PRKAR1B: variants seen among roughly 807,000 people sequenced by gnomAD.
The protein encoded by PRKAR1B is cAMP-dependent protein kinase type I-beta regulatory subunit.
In PRKAR1B, 22 loss-of-function variants were observed where a neutral mutation model predicts 46.5. The observed-to-expected ratio is 0.47, with a 90% confidence interval of 0.34 to 0.68. The LOEUF is 0.68. Among genes scored for constraint, PRKAR1B ranks in the 30% least tolerant of loss-of-function variants. PRKAR1B has a pLI of 0.01. For synonymous variants in PRKAR1B, 259 were observed against 217.7 expected, an observed-to-expected ratio of 1.19 and a Z score of -1.67; for missense variants, 445 against 535.6, an observed-to-expected ratio of 0.83 and a Z score of 1.67.
chr7:549,726 C>G lies in PRKAR1B; in HGVS notation c.*704G>C, dbSNP rs541408134. The G allele has an allele frequency of 3.2e-4, 49 of 152,450 alleles. No individual in the cohort carries two copies. The highest frequency in any genetic ancestry group is 1.2e-3 in the African/African-American group (48 of 41,546). The allele number at this position is 152,450 out of a possible 1,614,324, so 9.4% of individuals were successfully genotyped here. On this transcript the variant is annotated 3_prime_UTR_variant, in exon 11 of 11. Transcript: ENST00000537384. ...AAAGGAACTTCGAGCCCGGCCCCCC[C>G]TACTGGGGTCTACCTGCGGCCGCGG...
At chr7:629,588 A>G (rs1783618217) in intron 4 of PRKAR1B, among the ~76,000 whole-genome samples, 1 of 92,816 alleles carries the variant, frequency 1.1e-5, no homozygotes, top group Non-Finnish European at 2.1e-5. Flanking sequence ...CCAGGGCTGG[A>G]AAACGCTGCA....
chr7:574,057 G>T (rs569246291), intron 9 of PRKAR1B, among the ~76,000 whole-genome samples: 4 of 152,354 alleles, frequency 2.6e-5, no homozygotes, highest in Admixed American at 2.6e-4. Context: ...AACACCGCGC[G>T]TGCGGCCTTG....
At position 555,165 on chromosome 7, in the gene PRKAR1B, T is replaced by G. The variant is rs140570826; in HGVS notation, c.892-3695A>C. 3.5e-3 allele frequency among the ~76,000 whole-genome samples: 536 copies of G among 152,302 alleles called. 3 individuals are homozygous for G. Among genetic ancestry groups the G allele is most frequent in the African/African-American group, 0.012 (494 of 41,580 alleles). Reference sequence around the variant, plus strand: ...GCCAGAGAGGGTCTCACGCTTGCCCTAAACCAGTTGCTGGGGAATATGACC... The same window carrying G: ...GCCAGAGAGGGTCTCACGCTTGCCCGAAACCAGTTGCTGGGGAATATGACC... On this transcript the variant is annotated intron_variant, in intron 9 of 10. Coordinates refer to ENST00000537384, the MANE Select transcript of PRKAR1B (RefSeq NM_001164760.2).
chr7:609,399 A>C (rs1782346669), intron 4 of PRKAR1B, among the ~76,000 whole-genome samples: 3 of 152,228 alleles, frequency 2.0e-5, no homozygotes, highest in Admixed American at 2.0e-4. Context: ...TGTACCCCCC[A>C]CCACCCAGCT....
intron 4 of PRKAR1B, among the ~76,000 whole-genome samples, chr7:668,782 C>T (rs1583390959): frequency 6.6e-6 from 1 of 152,156 alleles, no homozygotes; most frequent in East Asian, 1.9e-4. Context: ...AAAATAAGAG[C>T]TTTACTGAAC....
At chr7:693,604 G>C (rs1178114565) in intron 2 of PRKAR1B, among the ~76,000 whole-genome samples, 3 of 152,190 alleles carry the variant, frequency 2.0e-5, no homozygotes, top group African/African-American at 7.2e-5. Flanking sequence ...CTGTGGCTGA[G>C]GGACTTCCCT....
intron 2 of PRKAR1B, among the ~76,000 whole-genome samples, chr7:701,797 A>G (rs1185650177): frequency 6.6e-6 from 1 of 152,244 alleles, no homozygotes; most frequent in Non-Finnish European, 1.5e-5. Flanking sequence ...AAGGCAAACC[A>G]GAGAGATTCT....
chr7:592,620 G>A (rs1264861879), intron 7 of PRKAR1B, among the ~76,000 whole-genome samples: 3 of 152,244 alleles, frequency 2.0e-5, no homozygotes, highest in Admixed American at 6.5e-5. Context: ...GGGGGTCTTG[G>A]GCTCTGGATA....
At chr7:654,987 C>T (rs997723696) in intron 4 of PRKAR1B, among the ~76,000 whole-genome samples, 2 of 152,172 alleles carry the variant, frequency 1.3e-5, no homozygotes, top group African/African-American at 4.8e-5. Flanking sequence ...TAGACAGGGC[C>T]CCTTTCTTTA....
At chr7:611,769 A>ATGGATGGATGG (rs1782506554) in intron 4 of PRKAR1B, among the ~76,000 whole-genome samples, 2 of 149,954 alleles carry the variant, frequency 1.3e-5, no homozygotes, top group African/African-American at 4.9e-5. Flanking sequence ...TAGACGAATG[A>ATGGATGGATGG]ATGGATGGAT....
At position 593,925 on chromosome 7, in the gene PRKAR1B, G is replaced by A. The variant is rs547387866; in HGVS notation, c.708+2221C>T. Among the ~76,000 whole-genome samples the A allele has an allele frequency of 7.9e-5, 12 of 152,146 alleles. No homozygotes were observed. The highest frequency in any genetic ancestry group is 2.0e-4 in the Admixed American group (3 of 15,284). ...GCCGCCCCAAAGACTGTGCGAACGC[G>A]CCATCCACAAAACACAAGAGCCGGC... On this transcript the variant is annotated intron_variant, in intron 7 of 10. Coordinates refer to ENST00000537384, the MANE Select transcript of PRKAR1B (RefSeq NM_001164760.2). The surrounding 1 kb of genome is among the most constrained non-coding windows in gnomAD (Gnocchi z 6.1).
chr7:626,646 T>C (rs936123993), intron 4 of PRKAR1B, among the ~76,000 whole-genome samples: 2 of 151,900 alleles, frequency 1.3e-5, no homozygotes, highest in South Asian at 2.1e-4. Flanking sequence ...TAAATAATTC[T>C]ATGAGGACAG....
intron 2 of PRKAR1B, among the ~76,000 whole-genome samples, chr7:698,885 G>A (rs1298945831): frequency 6.6e-6 from 1 of 152,152 alleles, no homozygotes; most frequent in Non-Finnish European, 1.5e-5. Flanking sequence ...CATGGCGGCT[G>A]TCTCCCCACC....
At chr7:606,150 G>A (rs1275604544) in intron 6 of PRKAR1B, 43 bp downstream of exon 6, 1 of 1,605,550 alleles carries the variant, frequency 6.2e-7, no homozygotes, top group Admixed American at 1.7e-5. Flanking sequence ...CACCGGACAT[G>A]CAAAGACGCG....
intron 4 of PRKAR1B, among the ~76,000 whole-genome samples, chr7:611,236 G>A (rs1280487275): frequency 2.6e-5 from 4 of 152,244 alleles, no homozygotes; most frequent in African/African-American, 9.6e-5. Flanking sequence ...CCTCCGAGCA[G>A]AGCATGTGCC....
intron 3 of PRKAR1B, among the ~76,000 whole-genome samples, chr7:678,758 T>C (rs1055426267): frequency 1.3e-5 from 2 of 152,348 alleles, no homozygotes. Context: ...TGAAATCTCC[T>C]AAAAAGCCAC....
Position 680,721 on chromosome 7 carries a change from T to G in PRKAR1B, c.183A>C (p.Glu61Asp), listed in dbSNP as rs374729888. The change falls in exon 3 of 11, where the codon GAA (glutamate) becomes GAC (aspartate). Residue 61 changes from glutamate (E) to aspartate (D), a missense_variant. Physicochemically the swap from Glu to Asp is conservative, Grantham distance 45. Around this residue, in one of 5 missense-constraint regions of PRKAR1B, gnomAD observed 155 missense variants for 127.5 expected, o/e 1.22. Transcript: ENST00000537384. ...REHFEKLEKE[E>D]NRQILARQKS... is the part of the protein sequence containing the mutation. Reference sequence around the variant, plus strand: ...TTTGCCGCGCCAAAATCTGCCTGTTTTCTTCCTGTGTGGGAGAGGAAAACA... The same window carrying G: ...TTTGCCGCGCCAAAATCTGCCTGTTGTCTTCCTGTGTGGGAGAGGAAAACA... The G allele has an allele frequency of 1.2e-6, 2 of 1,613,960 alleles. No individual in the cohort carries two copies. Among genetic ancestry groups the G allele is most frequent in the Non-Finnish European group, 1.7e-6 (2 of 1,179,990 alleles).
At chr7:595,048 C>T (rs1249486020) in intron 7 of PRKAR1B, among the ~76,000 whole-genome samples, 1 of 152,176 alleles carries the variant, frequency 6.6e-6, no homozygotes, top group African/African-American at 2.4e-5. Flanking sequence ...CCCTCAAGCT[C>T]CCACCGTGGC....
intron 2 of PRKAR1B, among the ~76,000 whole-genome samples, chr7:696,272 CT>C (rs965656641): frequency 2.5e-4 from 36 of 144,482 alleles, no homozygotes; most frequent in Admixed American, 2.8e-4. Flanking sequence ...CCCAATGGAA[CT>C]TTTTTTTTTT....
Sources: allele counts gnomAD v4.1 joint callset (sites outside exome capture counted in the v4.1 genomes callset), GRCh38; gene constraint gnomAD v4.1.1; regional missense constraint gnomAD v4.1.1; non-coding constraint Gnocchi (gnomAD v3.1); transcripts MANE v1.5; gene names NCBI Gene and HGNC (gene_info 2026-07-23, HGNC 2026-07-21).